RFX4: variants seen among roughly 807,000 people sequenced by gnomAD.
The protein encoded by RFX4 is transcription factor RFX4.
In RFX4, 10 loss-of-function variants were observed where a neutral mutation model predicts 95.0. The ratio of observed to expected loss-of-function variants is 0.11; its 90% confidence interval spans 0.06 to 0.18. The LOEUF (loss-of-function observed/expected upper bound fraction) is 0.18, where lower values mean the gene tolerates loss of function less well. RFX4 is among the 10% of genes least tolerant of loss of function. The pLI is 1.00. For missense variants in RFX4, 640 were observed against 922.0 expected, an observed-to-expected ratio of 0.69 and a Z score of 3.96; for synonymous variants, 321 against 340.7, an observed-to-expected ratio of 0.94 and a Z score of 0.64.
intron 8 of RFX4, among the ~76,000 whole-genome samples, chr12:106,700,083 G>A (rs1330163427): frequency 2.0e-5 from 3 of 152,066 alleles, no homozygotes; most frequent in Non-Finnish European, 4.4e-5. Context: ...TCCAGCTGGA[G>A]TACAGTGGCA....
intron 8 of RFX4, among the ~76,000 whole-genome samples, chr12:106,703,618 C>A (rs1414316424): frequency 6.6e-6 from 1 of 152,320 alleles, no homozygotes; most frequent in Admixed American, 6.5e-5. Context: ...GATTCACATA[C>A]TTTTAATAAT....
chr12:106,690,752 T>C (rs1305362316), intron 7 of RFX4, among the ~76,000 whole-genome samples: 1 of 152,196 alleles, frequency 6.6e-6, no homozygotes, highest in African/African-American at 2.4e-5. Flanking sequence ...GGACGGGAGC[T>C]GGTCCCACGG....
intron 2 of RFX4, among the ~76,000 whole-genome samples, chr12:106,630,636 G>A (rs553491311): frequency 6.6e-6 from 1 of 152,296 alleles, no homozygotes; most frequent in East Asian, 1.9e-4. Context: ...GTGCAGCCAG[G>A]TCAGTATAAT....
chr12:106,745,408 ATTC>A (rs917392637), intron 15 of RFX4, among the ~76,000 whole-genome samples: 1 of 152,196 alleles, frequency 6.6e-6, no homozygotes. Flanking sequence ...ATTCTAAAAG[ATTC>A]TTCAATTTAT....
chr12:106,708,843 C>T (rs2042138806), intron 8 of RFX4, among the ~76,000 whole-genome samples: 1 of 152,132 alleles, frequency 6.6e-6, no homozygotes, highest in East Asian at 1.9e-4. Flanking sequence ...GTTTCAAGGC[C>T]CATATCAGGG....
intron 3 of RFX4, among the ~76,000 whole-genome samples, chr12:106,651,601 T>C (rs1291836096): frequency 3.9e-5 from 6 of 152,174 alleles, no homozygotes; most frequent in Admixed American, 1.3e-4. Context: ...TGTGCATATG[T>C]CTCCCCAAAT....
chr12:106,752,517 C>T (rs2043027913), intron 17 of RFX4, among the ~76,000 whole-genome samples: 1 of 152,096 alleles, frequency 6.6e-6, no homozygotes, highest in African/African-American at 2.4e-5. Flanking sequence ...ATGTCTGCTG[C>T]CCTTTTTCGG....
rs1302852212 is a variant in RFX4 at position 106,720,900 on chromosome 12, A to T, written c.1351+24A>T. 6.2e-7 allele frequency: 1 copy of T among 1,602,178 alleles called. No homozygotes were observed. Among genetic ancestry groups the T allele is most frequent in the Admixed American group, 1.7e-5 (1 of 59,984 alleles). On this transcript the variant is annotated intron_variant, in intron 13 of 17. Transcript: ENST00000392842. This position sits in a 1 kb window ranked among gnomAD's most constrained non-coding sequence, Gnocchi z 4.2. ...CGGTAAGGCCACCCCAGCCCTCCCCATCTCCAAGCACTTTTTCCTCTGGGC... is the reference window on the plus strand; with the variant it reads ...CGGTAAGGCCACCCCAGCCCTCCCCTTCTCCAAGCACTTTTTCCTCTGGGC...
chr12:106,607,425 G>A (rs938376029), intron 1 of RFX4, among the ~76,000 whole-genome samples: 1 of 152,170 alleles, frequency 6.6e-6, no homozygotes, highest in African/African-American at 2.4e-5. Context: ...TTAGAGGTGG[G>A]TATCAGAAGG....
At chr12:106,707,766 G>A (rs960200581) in intron 8 of RFX4, among the ~76,000 whole-genome samples, 2 of 152,108 alleles carry the variant, frequency 1.3e-5, no homozygotes, top group East Asian at 3.8e-4. Context: ...CAAGGAGATA[G>A]AGTGGAGGAA....
chr12:106,633,279 A>G (rs1272152885), intron 2 of RFX4, among the ~76,000 whole-genome samples: 4 of 152,216 alleles, frequency 2.6e-5, no homozygotes, highest in Admixed American at 2.6e-4. Context: ...CACTATCAGT[A>G]GCCACTGGAT....
rs79882843 is a variant in RFX4, at chr12:106,584,718, C to T, written c.43+1355C>T. The stretch of plus-strand genomic sequence containing the variant: ...GCCTCTCCAGGTTTCCGCTGCAGCC[C>T]TGGTGGCCCGGACACCGGACTGCTC... On this transcript the variant is annotated intron_variant, in intron 1 of 17. Transcript: ENST00000392842. 1.9e-3 allele frequency among the ~76,000 whole-genome samples: 283 copies of T among 152,348 alleles called. 6 individuals carry two copies. In the East Asian group the frequency reaches 0.051, roughly 28 times the overall value.
chr12:106,611,580 G>A (rs1292422758), intron 2 of RFX4, among the ~76,000 whole-genome samples: 3 of 151,188 alleles, frequency 2.0e-5, no homozygotes, highest in Admixed American at 6.6e-5. Context: ...GCGCTGTCTC[G>A]GCTCACTGCA....
chr12:106,596,137 A>C (rs7304278), intron 1 of RFX4, among the ~76,000 whole-genome samples: 1 of 151,990 alleles, frequency 6.6e-6, no homozygotes, highest in African/African-American at 2.4e-5. Flanking sequence ...GTGCCCACCC[A>C]AATCTCATCT....
intron 15 of RFX4, among the ~76,000 whole-genome samples, chr12:106,743,414 G>C (rs1374268599): frequency 6.6e-6 from 1 of 152,058 alleles, no homozygotes; most frequent in East Asian, 1.9e-4. Flanking sequence ...AGGCAAAAAG[G>C]GTTTCTCACC....
At chr12:106,670,423 A>G (rs886557883) in intron 4 of RFX4, among the ~76,000 whole-genome samples, 2 of 152,182 alleles carry the variant, frequency 1.3e-5, no homozygotes, top group South Asian at 2.1e-4. Flanking sequence ...AGGTGTTCAC[A>G]TATGGATTTT....
At chr12:106,698,959 A>G (rs2041936485) in intron 8 of RFX4, among the ~76,000 whole-genome samples, 1 of 151,270 alleles carries the variant, frequency 6.6e-6, no homozygotes, top group South Asian at 2.1e-4. Context: ...CTTTGGGTTT[A>G]TTTTGCTCTT....
chr12:106,632,262 G>A lies in RFX4; in HGVS notation c.131-7070G>A, dbSNP rs889617170. Among the ~76,000 whole-genome samples the A allele has an allele frequency of 8.5e-5, 13 of 152,090 alleles. No individual in the cohort carries two copies. In the South Asian group the frequency reaches 1.0e-3, roughly 12 times the overall value. On this transcript the variant is annotated intron_variant, in intron 2 of 17. Coordinates refer to ENST00000392842, the MANE Select transcript of RFX4 (RefSeq NM_213594.3). ...GAACGGAGTGGCAAGAAGACCAGGC[G>A]CTGGGGCAGCATCTTGGCAGGAGTT...
intron 15 of RFX4, among the ~76,000 whole-genome samples, chr12:106,743,088 C>T (rs937949147): frequency 5.3e-5 from 8 of 152,140 alleles, no homozygotes; most frequent in African/African-American, 1.7e-4. Flanking sequence ...AGGTGACCAA[C>T]AACTGCTCCT....
Sources: gnomAD v4.1 joint callset for allele counts (sites outside exome capture counted in the v4.1 genomes callset) on GRCh38, gnomAD v4.1.1 for gene constraint, Gnocchi (gnomAD v3.1) non-coding constraint, MANE v1.5 for transcripts, NCBI Gene and HGNC (gene_info 2026-07-23, HGNC 2026-07-21) for gene names.